Variants in CNTNAP4 observed in about 807,000 individuals in gnomAD.
The protein encoded by CNTNAP4 is contactin associated protein family member 4, also known as contactin-associated protein-like 4.
CNTNAP4 carries 98 observed loss-of-function variants against 148.4 expected under a neutral mutation model. The ratio of observed to expected loss-of-function variants is 0.66; its 90% CI spans 0.56 to 0.78. The LOEUF is 0.78. CNTNAP4 is among the 30% of genes least tolerant of loss of function. The probability of loss-of-function intolerance (pLI) is 0.00; values close to 1 mark genes in which losing one functional copy is unlikely to be tolerated. For synonymous variants in CNTNAP4, 730 were observed against 565.1 expected (o/e 1.29, Z -4.14); for missense variants, 1,935 against 1,565.6 (o/e 1.24, Z -3.98).
intron 3 of CNTNAP4, among the ~76,000 whole-genome samples, chr16:76,385,985 GAA>G (rs35800498): frequency 6.6e-5 from 10 of 151,624 alleles, no homozygotes; most frequent in African/African-American, 2.2e-4. Context: ...AATAGATAAT[GAA>G]AAAAAACACT....
intron 9 of CNTNAP4, among the ~76,000 whole-genome samples, chr16:76,466,847 T>G (rs11865393): frequency 1.2e-3 from 185 of 152,226 alleles, no homozygotes; most frequent in African/African-American, 4.1e-3. Flanking sequence ...ATACAATAAT[T>G]AATTAGATAA....
intron 3 of CNTNAP4, among the ~76,000 whole-genome samples, chr16:76,383,496 G>C (rs1381821952): frequency 6.6e-6 from 1 of 150,424 alleles, no homozygotes; most frequent in African/African-American, 2.4e-5. Context: ...TTCAATAGTT[G>C]ATTGAAAGAA....
chr16:76,450,270 C>T (rs1431879027), intron 7 of CNTNAP4, among the ~76,000 whole-genome samples: 1 of 152,114 alleles, frequency 6.6e-6, no homozygotes, highest in East Asian at 1.9e-4. Context: ...CTACCTCAGC[C>T]TCCTGAGTAG....
intron 15 of CNTNAP4, among the ~76,000 whole-genome samples, chr16:76,500,204 C>T (rs986474762): frequency 1.3e-5 from 2 of 152,006 alleles, no homozygotes; most frequent in East Asian, 1.9e-4. Flanking sequence ...ACCTCCCTCC[C>T]GGACGGGGCG....
intron 15 of CNTNAP4, among the ~76,000 whole-genome samples, chr16:76,518,823 T>C (rs952586851): frequency 2.0e-5 from 3 of 152,182 alleles, no homozygotes; most frequent in Non-Finnish European, 4.4e-5. Flanking sequence ...TTTGTATTCA[T>C]TGCCCAATCT....
At chr16:76,473,597 C>T (rs943660646) in intron 10 of CNTNAP4, among the ~76,000 whole-genome samples, 2 of 152,112 alleles carry the variant, frequency 1.3e-5, no homozygotes, top group Middle Eastern at 3.4e-3. Flanking sequence ...CATGGTGAAG[C>T]CCCGTCTCTA....
At chr16:76,445,049 C>G (rs2080188312) in intron 4 of CNTNAP4, among the ~76,000 whole-genome samples, 1 of 152,138 alleles carries the variant, frequency 6.6e-6, no homozygotes, top group Admixed American at 6.6e-5. Flanking sequence ...TCAGAGCTCT[C>G]TCTTATGACA....
At chr16:76,308,273 A>C (rs184769393) in intron 1 of CNTNAP4, among the ~76,000 whole-genome samples, 1 of 152,384 alleles carries the variant, frequency 6.6e-6, no homozygotes, top group African/African-American at 2.4e-5. Flanking sequence ...ACTGCATAGT[A>C]GTCTACACTC....
Position 76,448,047 on chromosome 16 carries a change from C to A in CNTNAP4, c.574C>A (p.Leu192Ile). ...EVVDLDGKSS[L>I]LYRFDQKSLS... ...GGTTGATCTTGATGGAAAAAGTTCC[C>A]TTCTCTACAGATTTGATCAAAAATC... Residue 192 changes from leucine (L) to isoleucine (I), a missense_variant, in exon 5 of 24, where the codon CTT becomes ATT. Transcript: ENST00000611870. The A allele has an allele frequency of 6.2e-7, 1 of 1,613,662 alleles. No homozygotes were observed. Among genetic ancestry groups the A allele is most frequent in the Non-Finnish European group, 8.5e-7 (1 of 1,179,706 alleles).
chr16:76,424,230 C>T (rs569930165), intron 3 of CNTNAP4, among the ~76,000 whole-genome samples: 2 of 152,218 alleles, frequency 1.3e-5, no homozygotes, highest in African/African-American at 4.8e-5. Context: ...TCTTTTCTCC[C>T]AGTCCCTTAA....
chr16:76,522,161 G>A lies in CNTNAP4; in HGVS notation c.2659G>A (p.Glu887Lys). ...HHVRVERNMK[E>K]ASLQVDQLTP... ...TGTGAGGGTTGAAAGGAACATGAAGGAGGCCTCCCTTCAAGTGGATCAGCT... is the reference window on the plus strand; with the variant it reads ...TGTGAGGGTTGAAAGGAACATGAAGAAGGCCTCCCTTCAAGTGGATCAGCT... Residue 887 changes from glutamate to lysine, a missense_variant, in exon 17 of 24, where the codon GAG becomes AAG. Glu to Lys is a moderately conservative substitution (Grantham distance 56, BLOSUM62 1). Transcript: ENST00000611870. 1 of 1,613,946 alleles carries A rather than the reference G, an allele frequency of 6.2e-7. No homozygotes were observed. Among genetic ancestry groups the A allele is most frequent in the Non-Finnish European group, 8.5e-7 (1 of 1,179,872 alleles).
intron 13 of CNTNAP4, among the ~76,000 whole-genome samples, chr16:76,492,605 C>T (rs1039952729): frequency 5.3e-5 from 8 of 152,232 alleles, no homozygotes; most frequent in East Asian, 1.9e-4. Flanking sequence ...GTGTCAAGGG[C>T]GGGGCCAGAT....
intron 3 of CNTNAP4, among the ~76,000 whole-genome samples, chr16:76,376,905 GTTT>G (rs2015470246): frequency 8.8e-6 from 1 of 113,338 alleles, no homozygotes; most frequent in African/African-American, 3.9e-5. Context: ...AACTAACAAG[GTTT>G]GTGTGTGTGT....
chr16:76,533,394 G>C (rs548214055), intron 17 of CNTNAP4, among the ~76,000 whole-genome samples: 3 of 152,200 alleles, frequency 2.0e-5, no homozygotes, highest in Admixed American at 2.0e-4. Context: ...AGCTAGACAG[G>C]AGGAAAAAGT....
At chr16:76,329,153 C>A (rs944111414) in intron 2 of CNTNAP4, among the ~76,000 whole-genome samples, 2 of 152,076 alleles carry the variant, frequency 1.3e-5, no homozygotes, top group Non-Finnish European at 2.9e-5. Flanking sequence ...GGTAAAAACT[C>A]ATTTGAGAAG....
intron 4 of CNTNAP4, 102 bp downstream of exon 4, chr16:76,427,701 A>G: frequency 9.2e-7 from 1 of 1,083,844 alleles, no homozygotes; most frequent in Non-Finnish European, 1.3e-6. Flanking sequence ...ATAAAGAGGT[A>G]TAAAAAATAG....
intron 5 of CNTNAP4, 55 bp from the exon 6 acceptor site, chr16:76,448,712 T>C: frequency 7.4e-7 from 1 of 1,359,958 alleles, no homozygotes; most frequent in Non-Finnish European, 9.9e-7. Context: ...GGGAACCTTT[T>C]TTTTTTTTCT....
At chr16:76,337,049 T>A (rs1567755244) in intron 2 of CNTNAP4, among the ~76,000 whole-genome samples, 1 of 152,202 alleles carries the variant, frequency 6.6e-6, no homozygotes, top group Non-Finnish European at 1.5e-5. Flanking sequence ...TACTAAACTA[T>A]CTTCTCATAA....
intron 1 of CNTNAP4, among the ~76,000 whole-genome samples, chr16:76,308,996 G>A (rs927830235): frequency 2.7e-5 from 4 of 150,752 alleles, no homozygotes; most frequent in Non-Finnish European, 4.4e-5. Flanking sequence ...TTAAAGAGAT[G>A]GGGCTTGACA....
Sources: allele counts gnomAD v4.1 joint callset (sites outside exome capture counted in the v4.1 genomes callset), GRCh38; gene constraint gnomAD v4.1.1; transcripts MANE v1.5; gene names NCBI Gene and HGNC (gene_info 2026-07-23, HGNC 2026-07-21).